USH2A: variants seen among roughly 807,000 people sequenced by gnomAD.
USH2A encodes Usher syndrome 2A (autosomal recessive, mild).
In USH2A, 443 loss-of-function variants were observed where a neutral mutation model predicts 538.9. That is an observed-to-expected ratio of 0.82 (90% CI 0.76 to 0.89). USH2A has a LOEUF of 0.89. USH2A is among the 40% of genes least tolerant of loss of function. The pLI is 0.00. For missense variants in USH2A, 6,633 were observed against 6,324.8 expected (o/e 1.05, Z -1.65); for synonymous variants, 2,413 against 2,273.5 (o/e 1.06, Z -1.75).
At chr1:216,084,369 C>T (rs2032052376) in intron 25 of USH2A, among the ~76,000 whole-genome samples, 2 of 152,132 alleles carry the variant, frequency 1.3e-5, no homozygotes, top group Admixed American at 1.3e-4. Context: ...AAACATCTTT[C>T]TGAGTGCATT....
chr1:215,671,686 A>C (rs929521021), intron 63 of USH2A, among the ~76,000 whole-genome samples: 1 of 152,206 alleles, frequency 6.6e-6, no homozygotes, highest in Non-Finnish European at 1.5e-5. Context: ...CCGGCATGAA[A>C]ATTCTGGTAC....
At chr1:215,662,177 A>G (rs1472332881) in intron 64 of USH2A, among the ~76,000 whole-genome samples, 2 of 152,156 alleles carry the variant, frequency 1.3e-5, no homozygotes, top group Non-Finnish European at 2.9e-5. Flanking sequence ...TTTTTACAGG[A>G]CCTAAGTTTT....
intron 21 of USH2A, among the ~76,000 whole-genome samples, chr1:216,111,315 G>A (rs989017945): frequency 3.9e-5 from 6 of 152,142 alleles, no homozygotes; most frequent in African/African-American, 1.2e-4. Flanking sequence ...ATAGAAGAAA[G>A]TATCAAACCA....
intron 3 of USH2A, among the ~76,000 whole-genome samples, chr1:216,366,007 C>A (rs1293290944): frequency 6.6e-6 from 1 of 152,108 alleles, no homozygotes; most frequent in Non-Finnish European, 1.5e-5. Flanking sequence ...CCCATAGATA[C>A]CTGCACAAAA....
chr1:216,178,144 G>A (rs1209037801), intron 20 of USH2A, among the ~76,000 whole-genome samples: 1 of 151,988 alleles, frequency 6.6e-6, no homozygotes, highest in Non-Finnish European at 1.5e-5. Flanking sequence ...AATTCATTTT[G>A]GTTCTATTTT....
intron 15 of USH2A, among the ~76,000 whole-genome samples, chr1:216,215,620 G>A (rs1344228257): frequency 6.6e-6 from 1 of 152,080 alleles, no homozygotes; most frequent in Admixed American, 6.6e-5. Flanking sequence ...CTCTGCTGAT[G>A]CTGAGCTTCC....
chr1:215,776,330 C>T (rs1188858584), intron 55 of USH2A, among the ~76,000 whole-genome samples: 1 of 152,206 alleles, frequency 6.6e-6, no homozygotes, highest in Non-Finnish European at 1.5e-5. Context: ...GCATTGATAA[C>T]ACCTCTAAAT....
At chr1:216,320,662 T>C (rs2037587991) in intron 9 of USH2A, among the ~76,000 whole-genome samples, 1 of 152,220 alleles carries the variant, frequency 6.6e-6, no homozygotes, top group Non-Finnish European at 1.5e-5. Context: ...AAAACAATTG[T>C]TGAATATGAT....
At chr1:215,745,226 T>A (rs943963343) in intron 58 of USH2A, among the ~76,000 whole-genome samples, 4 of 152,184 alleles carry the variant, frequency 2.6e-5, no homozygotes, top group African/African-American at 9.7e-5. Context: ...ATCAATTAAT[T>A]CTTTGAGAAA....
chr1:216,088,920 G>T, intron 23 of USH2A, 93 bp downstream of exon 23: 1 of 1,558,460 alleles, frequency 6.4e-7, no homozygotes, highest in Non-Finnish European at 8.8e-7. Context: ...TAGAAATTAT[G>T]GTGAAATAAG....
At chr1:215,654,828 T>C (rs574248948) in intron 64 of USH2A, among the ~76,000 whole-genome samples, 6 of 152,230 alleles carry the variant, frequency 3.9e-5, no homozygotes, top group Admixed American at 1.3e-4. Flanking sequence ...TTTATGCTTG[T>C]TGTTCATTAA....
intron 20 of USH2A, 114 bp from the exon 21 acceptor site, chr1:216,175,596 G>T: frequency 2.9e-6 from 3 of 1,035,350 alleles, no homozygotes; most frequent in Non-Finnish European, 2.9e-6. Flanking sequence ...AATCAAATCA[G>T]TTGTGGTTTC....
intron 49 of USH2A, among the ~76,000 whole-genome samples, chr1:215,811,986 T>TA (rs1410176255): frequency 7.5e-6 from 1 of 134,030 alleles, no homozygotes; most frequent in Non-Finnish European, 1.6e-5. Context: ...CTAGGGTTTT[T>TA]TTTTTTTTTT....
At chr1:216,248,346 T>A (rs2036093219) in intron 12 of USH2A, among the ~76,000 whole-genome samples, 1 of 152,090 alleles carries the variant, frequency 6.6e-6, no homozygotes, top group Admixed American at 6.6e-5. Flanking sequence ...AATGTTTAGA[T>A]GCAAAATACT....
chr1:215,908,832 C>A (rs571057295), intron 38 of USH2A, among the ~76,000 whole-genome samples: 2 of 151,482 alleles, frequency 1.3e-5, no homozygotes, highest in Non-Finnish European at 2.9e-5. Flanking sequence ...ATCGGGTAAA[C>A]GTTGATGAAT....
chr1:216,406,891 A>T (rs954608396), intron 3 of USH2A, among the ~76,000 whole-genome samples: 1 of 152,178 alleles, frequency 6.6e-6, no homozygotes, highest in East Asian at 1.9e-4. Flanking sequence ...TATATCCCAG[A>T]CAAAAACAAC....
chr1:216,377,339 T>C (rs996231526), intron 3 of USH2A, among the ~76,000 whole-genome samples: 1 of 152,296 alleles, frequency 6.6e-6, no homozygotes, highest in Admixed American at 6.5e-5. Flanking sequence ...AGTGCACACA[T>C]TTAATTTGTT....
At chr1:216,011,827 T>C (rs557481446) in intron 32 of USH2A, among the ~76,000 whole-genome samples, 22 of 152,160 alleles carry the variant, frequency 1.4e-4, no homozygotes, top group African/African-American at 4.3e-4. Flanking sequence ...TTACCATTGT[T>C]CCTGGCCCGG....
chr1:216,300,299 A>T (rs966240073), intron 9 of USH2A, among the ~76,000 whole-genome samples: 8 of 152,172 alleles, frequency 5.3e-5, no homozygotes, highest in African/African-American at 1.9e-4. Context: ...CCCAATCTCC[A>T]GTTGATCATT....
Sources: gnomAD v4.1 joint callset for allele counts (sites outside exome capture counted in the v4.1 genomes callset) on GRCh38, gnomAD v4.1.1 for gene constraint, MANE v1.5 for transcripts, NCBI Gene and HGNC (gene_info 2026-07-23, HGNC 2026-07-21) for gene names.